The following MIOS variants were observed in gnomAD, a reference collection of about 807,000 sequenced individuals.
MIOS encodes GATOR2 complex protein MIOS.
MIOS carries 52 observed loss-of-function variants against 96.9 expected under a neutral mutation model. That is an observed-to-expected ratio of 0.54 (90% CI 0.43 to 0.68). The LOEUF is 0.68. Ranked by LOEUF, MIOS falls within the 30% of genes least tolerant of loss-of-function variation. The probability of loss-of-function intolerance (pLI) is 0.00; values close to 1 mark genes in which losing one functional copy is unlikely to be tolerated. For synonymous variants in MIOS, 397 were observed against 359.5 expected (o/e 1.10, Z -1.18); for missense variants, 1,005 against 1,052.8 (o/e 0.95, Z 0.63).
intron 10 of MIOS, among the ~76,000 whole-genome samples, chr7:7,595,857 CTCTT>C (rs1784189338): frequency 1.3e-5 from 2 of 152,252 alleles, no homozygotes; most frequent in Admixed American, 6.5e-5. Flanking sequence ...TTTGTTAACT[CTCTT>C]TGTCTTAGGA....
At chr7:7,575,365 A>G (rs1387900850) in intron 5 of MIOS, among the ~76,000 whole-genome samples, 1 of 152,130 alleles carries the variant, frequency 6.6e-6, no homozygotes, top group Non-Finnish European at 1.5e-5. Context: ...TGAAAGATGC[A>G]GTAGACTACT....
Position 7,585,811 on chromosome 7 carries a change from C to T in MIOS, c.1818+6C>T. The T allele has an allele frequency of 1.3e-6, 2 of 1,591,590 alleles. No individual in the cohort carries two copies. The highest frequency in any genetic ancestry group is 1.7e-6 in the Non-Finnish European group (2 of 1,170,520). On this transcript the variant is annotated splice_donor_region_variant and intron_variant, in intron 7 of 12. Transcript: ENST00000340080. The stretch of plus-strand genomic sequence containing the variant: ...GATCTTACGATGGAGTTTTGGTAAG[C>T]TAACTTGTTTTTTAAGATCTTCCTT...
In MIOS at chr7:7,607,089, A is replaced by G. The variant is rs10280723; in HGVS notation, c.2625A>G (p.Pro875=). 12,812 of 1,608,862 alleles carry G rather than the reference A, an allele frequency of 8.0e-3. 836 individuals carry two copies. The African/African-American group carries it at 0.15, about 18-fold the overall frequency. Residue 875 remains proline, a synonymous_variant, in exon 13 of 13, where the codon CCA becomes CCG. Coordinates refer to ENST00000340080, the MANE Select transcript of MIOS (RefSeq NM_019005.4). ...TGGTACCTGCAGAGACTGTCCAGCC[A>G]TAAAATGTTACCACCTTAAGAGAAC... The part of the protein sequence containing the change: ...GNLVPAETVQ[P]
rs774075805 is a variant in MIOS, at chr7:7,607,017, G to T, written c.2553G>T (p.Val851=). Residue 851 remains valine, a synonymous_variant, in exon 13 of 13, where the codon GTG becomes GTT. Transcript: ENST00000340080. ...TTAGGGACCATGCAGAGTGCCCTGT[G>T]TCGGCATGCACGTGTAAATGTATGC... The part of the protein sequence containing the change: ...SWFRDHAECP[V]SACTCKCMQL... The T allele has an allele frequency of 3.1e-6, 5 of 1,612,344 alleles. No individual in the cohort carries two copies. The Middle Eastern group carries it at 6.6e-4, about 212-fold the overall frequency.
At chr7:7,602,113 A>G (rs994455980) in intron 11 of MIOS, among the ~76,000 whole-genome samples, 1 of 152,350 alleles carries the variant, frequency 6.6e-6, no homozygotes. Context: ...CACAGCCAAT[A>G]TCATACTGAA....
chr7:7,603,220 CT>C (rs1784429831), intron 11 of MIOS, among the ~76,000 whole-genome samples: 2 of 151,648 alleles, frequency 1.3e-5, no homozygotes, highest in South Asian at 4.2e-4. Context: ...CAAATGGGAT[CT>C]AATTAAACTA....
chr7:7,579,008 G>A (rs534021690), intron 5 of MIOS, among the ~76,000 whole-genome samples: 1 of 152,230 alleles, frequency 6.6e-6, no homozygotes, highest in South Asian at 2.1e-4. Context: ...ATCGTGCCTG[G>A]CCTAAACCCT....
In MIOS at chr7:7,607,273, T is replaced by A; in HGVS notation, c.*181T>A. 1 of 503,648 alleles carries A rather than the reference T, an allele frequency of 2.0e-6. No individual in the cohort carries two copies. The highest frequency in any genetic ancestry group is 3.5e-6 in the Non-Finnish European group (1 of 288,670). The allele number at this position is 503,648 out of a possible 1,614,324, so 31.2% of individuals were successfully genotyped here. A position where few individuals can be genotyped will look rare whatever the true frequency, so the allele number is the denominator to read the frequency against. ...TTTTGATATGCTTCACAGAGACAAA[T>A]GCTGCCAAAATAAACATCGAAGTAT... On this transcript the variant is annotated 3_prime_UTR_variant, in exon 13 of 13. Transcript: ENST00000340080.
In MIOS at chr7:7,588,583, C is replaced by T; in HGVS notation, c.1884+20C>T. 6 of 1,522,036 alleles carry T rather than the reference C, an allele frequency of 3.9e-6. No homozygotes were observed. The highest frequency in any genetic ancestry group is 5.4e-6 in the Non-Finnish European group (6 of 1,115,534). 94.3% of individuals were successfully genotyped at this position (1,522,036 alleles called of 1,614,324 possible). ...ACTCAGGTGAAAACTGATTTAATTC[C>T]ACATTTGAAGTAATTAATATGTACT... On this transcript the variant is annotated intron_variant, in intron 8 of 12. Transcript: ENST00000340080.
In MIOS at chr7:7,589,356, A is replaced by T. The variant is rs542572502; in HGVS notation, c.1885-49A>T. The T allele has an allele frequency of 6.1e-4, 942 of 1,553,220 alleles. 11 individuals carry two copies. The South Asian group carries it at 0.01, about 17-fold the overall frequency. On this transcript the variant is annotated intron_variant, in intron 8 of 12. Coordinates refer to ENST00000340080, the MANE Select transcript of MIOS (RefSeq NM_019005.4). ...TCAAAATGTAGTTTTGAAGTACAAA[A>T]TACATAGTGAAACAGATTGCTTTAG...
At position 7,586,739 on chromosome 7, in the gene MIOS, CCAATT is replaced by C. The variant is rs534146191; in HGVS notation, c.1818+938_1818+942del. Among the ~76,000 whole-genome samples the C allele has an allele frequency of 1.9e-3, 286 of 152,110 alleles. 3 individuals are homozygous for C. Among genetic ancestry groups the C allele is most frequent in the African/African-American group, 6.8e-3 (282 of 41,508 alleles). ...TAAATTACTATTGAACTTTTTCTGA[CCAATT>C]CAAATTAATACGTATAATGTTAGGA... On this transcript the variant is annotated intron_variant, in intron 7 of 12. Transcript: ENST00000340080.
chr7:7,606,785 T>C (rs1295846679), intron 12 of MIOS, among the ~76,000 whole-genome samples: 1 of 152,160 alleles, frequency 6.6e-6, no homozygotes, highest in Non-Finnish European at 1.5e-5. Context: ...AGTTGCATTA[T>C]AGATAGATAT....
At chr7:7,605,231 A>T (rs1299805065) in intron 11 of MIOS, 1 of 152,114 alleles carries the variant, frequency 6.6e-6, no homozygotes, top group Non-Finnish European at 1.5e-5. Flanking sequence ...GTGCATTGGG[A>T]AACTTTCTGC....
intron 11 of MIOS, among the ~76,000 whole-genome samples, chr7:7,603,414 C>G (rs1234899616): frequency 6.6e-6 from 1 of 152,180 alleles, no homozygotes; most frequent in Non-Finnish European, 1.5e-5. Flanking sequence ...TATGAACAGA[C>G]ACTTCTCAAA....
chr7:7,583,039 AC>A (rs1480150112), intron 5 of MIOS, 78 bp from the exon 6 acceptor site: 7 of 1,406,484 alleles, frequency 5.0e-6, no homozygotes, highest in Non-Finnish European at 6.7e-6. Context: ...AAATGTGTCA[AC>A]ATAGTTCTCT....
At chr7:7,567,720 A>T (rs905350483) in intron 2 of MIOS, 32 bp downstream of exon 2, 5 of 152,188 alleles carry the variant, frequency 3.3e-5, no homozygotes, top group African/African-American at 1.2e-4. Flanking sequence ...ATCAAAAAGC[A>T]TGTGGTTGGA....
chr7:7,582,947 A>G (rs763177343), intron 5 of MIOS, 171 bp from the exon 6 acceptor site: 266 of 790,324 alleles, frequency 3.4e-4, no homozygotes, highest in Non-Finnish European at 2.2e-4. Context: ...ACTGTACTTA[A>G]AAACATGCAA....
chr7:7,594,697 C>T (rs547069232), intron 9 of MIOS, among the ~76,000 whole-genome samples: 4 of 152,144 alleles, frequency 2.6e-5, no homozygotes, highest in Non-Finnish European at 4.4e-5. Context: ...CATTCAACCA[C>T]GAAGTTCTAT....
rs1409650165 is a variant in MIOS at position 7,607,139 on chromosome 7, A to AG, written c.*49dup. 6.9e-7 allele frequency: 1 copy of AG among 1,448,732 alleles called. No individual in the cohort carries two copies. The allele number at this position is 1,448,732 out of a possible 1,614,324, so 89.7% of individuals were successfully genotyped here. On this transcript the variant is annotated 3_prime_UTR_variant, in exon 13 of 13. Transcript: ENST00000340080. ...CCCTTCAAGTGTGGAGCTTTCTAGTAGGTGTCCTTCATAGCTCAGAAACAT... is the reference window on the plus strand; with the variant it reads ...CCCTTCAAGTGTGGAGCTTTCTAGTAGGGTGTCCTTCATAGCTCAGAAACAT...
Sources: gnomAD v4.1 joint callset for allele counts (sites outside exome capture counted in the v4.1 genomes callset) on GRCh38, gnomAD v4.1.1 for gene constraint, MANE v1.5 for transcripts, NCBI Gene and HGNC (gene_info 2026-07-23, HGNC 2026-07-21) for gene names.